Variants in ZBTB8A observed in about 807,000 individuals in gnomAD.
ZBTB8A encodes zinc finger and BTB domain-containing protein 8A.
A neutral mutation model predicts 37.8 loss-of-function variants in ZBTB8A; 19 were observed. The observed-to-expected ratio is 0.50, with a 90% confidence interval of 0.35 to 0.74. The LOEUF (loss-of-function observed/expected upper bound fraction) is 0.74. Among genes scored for constraint, ZBTB8A ranks in the 30% least tolerant of loss-of-function variants. The probability of loss-of-function intolerance (pLI) is 0.01; values close to 1 mark genes in which losing one functional copy is unlikely to be tolerated. For missense variants in ZBTB8A, 394 were observed against 537.8 expected, an observed-to-expected ratio of 0.73 and a Z score of 2.65; for synonymous variants, 181 against 185.2, an observed-to-expected ratio of 0.98 and a Z score of 0.19.
Position 32,605,704 on chromosome 1 carries a change from C to CAAAAAAAAAAA in ZBTB8A, c.*5301_*5311dup, listed in dbSNP as rs555736414. On this transcript the variant is annotated 3_prime_UTR_variant, in exon 5 of 5. Coordinates refer to ENST00000373510, the MANE Select transcript of ZBTB8A (RefSeq NM_001040441.3). ...TGGGTGACAGAGCGAGACTCCACCT[C>CAAAAAAAAAAA]AAAAAAAAAAAAAAAAAAAAAAAAA... The CAAAAAAAAAAA allele has an allele frequency of 2.8e-3, 52 of 18,414 alleles. 8 individuals are homozygous for CAAAAAAAAAAA. Among genetic ancestry groups the CAAAAAAAAAAA allele is most frequent in the African/African-American group, 8.0e-3 (47 of 5,868 alleles). The allele number at this position is 18,414 out of a possible 1,614,324, so 1.1% of individuals were successfully genotyped here.
chr1:32,585,687 G>T (rs989245067), intron 2 of ZBTB8A, among the ~76,000 whole-genome samples: 1 of 152,034 alleles, frequency 6.6e-6, no homozygotes, highest in South Asian at 2.1e-4. Flanking sequence ...AGGTAGAAGG[G>T]TCGACAGCAT....
At chr1:32,546,262 G>A (rs1323678742) in intron 1 of ZBTB8A, among the ~76,000 whole-genome samples, 1 of 152,038 alleles carries the variant, frequency 6.6e-6, no homozygotes, top group Non-Finnish European at 1.5e-5. Context: ...TGGCCAACAT[G>A]GCGAAACCCT....
At position 32,600,521 on chromosome 1, in the gene ZBTB8A, T is replaced by A; in HGVS notation, c.*102T>A. 1 of 848,114 alleles carries A rather than the reference T, an allele frequency of 1.2e-6. No individual in the cohort carries two copies. Among genetic ancestry groups the A allele is most frequent in the Non-Finnish European group, 1.8e-6 (1 of 548,352 alleles). The allele number at this position is 848,114 out of a possible 1,614,324, so 52.5% of individuals were successfully genotyped here. A position where few individuals can be genotyped will look rare whatever the true frequency, so the allele number is the denominator to read the frequency against. ...AGTCTAGTTAACAAATTTATCACAC[T>A]GACTTTAAAGAAATGATCTGATATA... On this transcript the variant is annotated 3_prime_UTR_variant, in exon 5 of 5. Coordinates refer to ENST00000373510, the MANE Select transcript of ZBTB8A (RefSeq NM_001040441.3).
intron 2 of ZBTB8A, among the ~76,000 whole-genome samples, chr1:32,567,830 C>CAAAAT (rs1553178101): frequency 1.6e-5 from 1 of 61,056 alleles, no homozygotes; most frequent in South Asian, 5.8e-4. Flanking sequence ...AAAACAAAAA[C>CAAAAT]AAAACAAAAC....
chr1:32,580,277 G>C (rs1644393233), intron 2 of ZBTB8A, among the ~76,000 whole-genome samples: 1 of 152,046 alleles, frequency 6.6e-6, no homozygotes, highest in South Asian at 2.1e-4. Context: ...GCATTGACTG[G>C]GCACAGTGGC....
intron 2 of ZBTB8A, among the ~76,000 whole-genome samples, chr1:32,566,518 C>G (rs1644280602): frequency 6.6e-6 from 1 of 152,120 alleles, no homozygotes; most frequent in Non-Finnish European, 1.5e-5. Context: ...GAGCAAGACT[C>G]TGTCTCAAAA....
At chr1:32,563,549 G>A (rs542417293) in intron 2 of ZBTB8A, among the ~76,000 whole-genome samples, 4 of 151,886 alleles carry the variant, frequency 2.6e-5, no homozygotes, top group South Asian at 4.1e-4. Context: ...TGCAGCCTCC[G>A]CCTCCTGGAT....
Position 32,601,880 on chromosome 1 carries a change from T to TAC in ZBTB8A, c.*1462_*1463insCA, listed in dbSNP as rs771059228. 7 of 392,636 alleles carry TAC rather than the reference T, an allele frequency of 1.8e-5. No individual in the cohort carries two copies. Among genetic ancestry groups the TAC allele is most frequent in the Non-Finnish European group, 3.1e-5 (7 of 223,174 alleles). 24.3% of individuals were successfully genotyped at this position (392,636 alleles called of 1,614,324 possible). A position where few individuals can be genotyped will look rare whatever the true frequency, so the allele number is the denominator to read the frequency against. ...TGCTAAGTAATGTCCCTACAGTACC[T>TAC]ATTGGTATGTTTTTATGTCACGTTA... On this transcript the variant is annotated 3_prime_UTR_variant, in exon 5 of 5. Transcript: ENST00000373510.
intron 2 of ZBTB8A, among the ~76,000 whole-genome samples, chr1:32,575,196 T>A (rs1644350266): frequency 6.6e-6 from 1 of 151,590 alleles, no homozygotes; most frequent in East Asian, 1.9e-4. Flanking sequence ...TTTTTTAATG[T>A]CTTTTGTTCT....
chr1:32,595,641 C>T (rs1418884295), intron 4 of ZBTB8A, among the ~76,000 whole-genome samples: 2 of 150,546 alleles, frequency 1.3e-5, no homozygotes, highest in Admixed American at 6.6e-5. Context: ...GCCATCTCAG[C>T]TCACTGCAGC....
chr1:32,592,761 G>T (rs1054680827), intron 2 of ZBTB8A, among the ~76,000 whole-genome samples, 170 bp from the exon 3 acceptor site: 1 of 151,900 alleles, frequency 6.6e-6, no homozygotes, highest in Non-Finnish European at 1.5e-5. Context: ...CCCCGCATTG[G>T]CCTCCCAAAG....
chr1:32,578,260 A>G (rs1311755663), intron 2 of ZBTB8A, among the ~76,000 whole-genome samples: 1 of 126,134 alleles, frequency 7.9e-6, no homozygotes, highest in African/African-American at 3.1e-5. Context: ...GTATTTTTGT[A>G]GAGATGGGAT....
At chr1:32,571,091 G>A (rs190700850) in intron 2 of ZBTB8A, among the ~76,000 whole-genome samples, 57 of 152,204 alleles carry the variant, frequency 3.7e-4, no homozygotes, top group African/African-American at 1.3e-3. Flanking sequence ...GGTCAGGCTG[G>A]TCTCAAAGTC....
In ZBTB8A at chr1:32,593,654, C is replaced by T; in HGVS notation, c.723C>T (p.Ser241=). 28 of 1,614,118 alleles carry T rather than the reference C, an allele frequency of 1.7e-5. No homozygotes were observed. The highest frequency in any genetic ancestry group is 2.4e-5 in the Non-Finnish European group (28 of 1,180,016). The change falls in exon 3 of 5, where the codon TCC becomes TCT. Residue 241 remains serine, a synonymous_variant. Coordinates refer to ENST00000373510, the MANE Select transcript of ZBTB8A (RefSeq NM_001040441.3). ...VRTSDSSSHV[S]QSEEQAQIDA... is the part of the protein sequence containing the mutation. ...CATCTGATTCTTCCAGCCATGTTTC[C>T]CAGTCTGAAGAACAAGCACAGATTG...
intron 1 of ZBTB8A, among the ~76,000 whole-genome samples, chr1:32,545,230 G>A (rs1644093341): frequency 6.6e-6 from 1 of 151,892 alleles, no homozygotes; most frequent in African/African-American, 2.4e-5. Context: ...AGAAAATATA[G>A]AAAAAGAAGA....
intron 1 of ZBTB8A, among the ~76,000 whole-genome samples, chr1:32,545,534 C>G (rs1442125733): frequency 2.0e-5 from 3 of 152,130 alleles, no homozygotes; most frequent in Non-Finnish European, 4.4e-5. Flanking sequence ...ATTGGTAGAC[C>G]TATAATCCTG....
Position 32,593,518 on chromosome 1 carries a change from C to A in ZBTB8A, c.587C>A (p.Pro196His). ...GCCTCCCAGAAGAATACTCAACAAC[C>A]CTTGGCCAAGCATGAACCAAGGAAA... ...HPASQKNTQQPLAKHEPRKES... is the reference protein window; with the variant it reads ...HPASQKNTQQHLAKHEPRKES... Residue 196 changes from proline (P) to histidine (H), a missense_variant, in exon 3 of 5, where the codon CCC becomes CAC. Transcript: ENST00000373510. 3.1e-6 allele frequency: 5 copies of A among 1,614,114 alleles called. No individual in the cohort carries two copies. Among genetic ancestry groups the A allele is most frequent in the Non-Finnish European group, 4.2e-6 (5 of 1,180,032 alleles).
At chr1:32,544,457 G>T (rs955249766) in intron 1 of ZBTB8A, among the ~76,000 whole-genome samples, 1 of 152,232 alleles carries the variant, frequency 6.6e-6, no homozygotes, top group Admixed American at 6.5e-5. Context: ...CAGCACTTTG[G>T]GAGCCCAAGG....
intron 2 of ZBTB8A, among the ~76,000 whole-genome samples, chr1:32,586,694 C>T (rs895418168): frequency 1.3e-5 from 2 of 151,922 alleles, no homozygotes; most frequent in Non-Finnish European, 2.9e-5. Context: ...CTTGAATGTT[C>T]AGAAACAAGC....
Sources: gnomAD v4.1 joint callset for allele counts (sites outside exome capture counted in the v4.1 genomes callset) on GRCh38, gnomAD v4.1.1 for gene constraint, MANE v1.5 for transcripts, NCBI Gene and HGNC (gene_info 2026-07-23, HGNC 2026-07-21) for gene names.